SLC49A4: variants seen among roughly 807,000 people sequenced by gnomAD.
The protein encoded by SLC49A4 is disrupted in renal cancer protein 2.
SLC49A4 carries 36 observed loss-of-function variants against 50.6 expected under a neutral mutation model. The observed-to-expected ratio is 0.71, with a 90% confidence interval of 0.55 to 0.94. SLC49A4 has a LOEUF of 0.94. Ranked by LOEUF, SLC49A4 falls within the 40% of genes least tolerant of loss-of-function variation. The pLI is 0.00. For synonymous variants in SLC49A4, 248 were observed against 241.2 expected (o/e 1.03, Z -0.26); for missense variants, 503 against 605.7 (o/e 0.83, Z 1.78).
intron 2 of SLC49A4, among the ~76,000 whole-genome samples, chr3:122,817,410 C>G (rs1936385649): frequency 6.6e-6 from 1 of 152,052 alleles, no homozygotes; most frequent in African/African-American, 2.4e-5. Flanking sequence ...TGATTTTAGC[C>G]CTAGAGTCCC....
chr3:122,841,910 G>A (rs1936776085), intron 4 of SLC49A4, among the ~76,000 whole-genome samples: 1 of 151,184 alleles, frequency 6.6e-6, no homozygotes, highest in African/African-American at 2.4e-5. Context: ...CTTCTCTATA[G>A]CACGTCGTAC....
At chr3:122,868,888 G>A (rs985832578) in intron 7 of SLC49A4, among the ~76,000 whole-genome samples, 49 of 152,082 alleles carry the variant, frequency 3.2e-4, no homozygotes, top group Admixed American at 2.6e-3. Context: ...TATATCATCC[G>A]TTTATCCTAC....
At chr3:122,870,816 C>CAATAATAATAAT (rs199524636) in intron 7 of SLC49A4, among the ~76,000 whole-genome samples, 2 of 147,392 alleles carry the variant, frequency 1.4e-5, no homozygotes, top group African/African-American at 5.0e-5. Flanking sequence ...TCCATCTCAA[C>CAATAATAATAAT]AATAATAATA....
intron 5 of SLC49A4, among the ~76,000 whole-genome samples, chr3:122,850,700 GTC>G: frequency 6.6e-6 from 1 of 152,192 alleles, no homozygotes; most frequent in South Asian, 2.1e-4. Flanking sequence ...TAGAGATGAA[GTC>G]TCTATGTTTC....
intron 7 of SLC49A4, among the ~76,000 whole-genome samples, chr3:122,871,703 A>T (rs188024215): frequency 1.3e-5 from 2 of 152,288 alleles, no homozygotes; most frequent in Non-Finnish European, 2.9e-5. Flanking sequence ...AGTAGTAGCA[A>T]TGATTAAAAT....
intron 5 of SLC49A4, among the ~76,000 whole-genome samples, chr3:122,855,847 A>G (rs963956078): frequency 1.3e-5 from 2 of 152,194 alleles, no homozygotes; most frequent in South Asian, 4.1e-4. Flanking sequence ...AACAAGCTAT[A>G]CTTTTGAAAC....
chr3:122,853,659 C>T (rs1936951771), intron 5 of SLC49A4, among the ~76,000 whole-genome samples: 1 of 152,126 alleles, frequency 6.6e-6, no homozygotes, highest in South Asian at 2.1e-4. Flanking sequence ...ACTTGGGAGT[C>T]TGAGATGAGA....
chr3:122,879,182 A>G (rs1456766938), intron 8 of SLC49A4, 81 bp from the exon 9 acceptor site: 4 of 995,674 alleles, frequency 4.0e-6, no homozygotes, highest in Non-Finnish European at 6.3e-6. Context: ...TTTAATGCAG[A>G]GCAGATTCCT....
At chr3:122,800,504 G>GT (rs1253824808) in intron 1 of SLC49A4, among the ~76,000 whole-genome samples, 2 of 152,106 alleles carry the variant, frequency 1.3e-5, no homozygotes, top group African/African-American at 4.8e-5. Flanking sequence ...GTTTTGTTTT[G>GT]TTTTTTCTTT....
chr3:122,846,361 G>C (rs1289962467), intron 5 of SLC49A4, among the ~76,000 whole-genome samples: 2 of 152,020 alleles, frequency 1.3e-5, no homozygotes, highest in East Asian at 3.9e-4. Flanking sequence ...GAGAAATTTT[G>C]AGAGGTAAAT....
chr3:122,847,192 T>G (rs1404803378), intron 5 of SLC49A4, among the ~76,000 whole-genome samples: 4 of 151,948 alleles, frequency 2.6e-5, no homozygotes, highest in African/African-American at 9.7e-5. Context: ...GGAGAGAGTT[T>G]GGAGATCTAT....
At chr3:122,829,160 T>C (rs1220629312) in intron 3 of SLC49A4, among the ~76,000 whole-genome samples, 1 of 152,112 alleles carries the variant, frequency 6.6e-6, no homozygotes, top group Non-Finnish European at 1.5e-5. Flanking sequence ...CTCAGATGAG[T>C]ATAAACACAA....
intron 4 of SLC49A4, among the ~76,000 whole-genome samples, 156 bp from the exon 5 acceptor site, chr3:122,845,607 G>GTTTTTTTTTTT (rs35604258): frequency 2.1e-5 from 2 of 97,448 alleles, no homozygotes; most frequent in Admixed American, 1.2e-4. Flanking sequence ...TTTCCAGCAC[G>GTTTTTTTTTTT]TTTTTTTTTT....
intron 4 of SLC49A4, among the ~76,000 whole-genome samples, chr3:122,840,243 G>A (rs1260083976): frequency 6.6e-6 from 1 of 152,088 alleles, no homozygotes; most frequent in South Asian, 2.1e-4. Context: ...TGGAGAGGAT[G>A]GTGGAGACTG....
chr3:122,847,134 C>G (rs1936863574), intron 5 of SLC49A4, among the ~76,000 whole-genome samples: 2 of 152,110 alleles, frequency 1.3e-5, no homozygotes, highest in African/African-American at 2.4e-5. Context: ...GTAGAGGAAG[C>G]CTTACTCTAG....
Position 122,795,133 on chromosome 3 carries a change from G to C in SLC49A4, c.-60G>C. On this transcript the variant is annotated 5_prime_UTR_variant, in exon 1 of 9. Transcript: ENST00000261038. ...CTGCTGCTCAGGACTATTCTGCGCT[G>C]GGCTAGTCGGCGGTGACCCGGACTG... 1.5e-6 allele frequency: 2 copies of C among 1,298,182 alleles called. No individual in the cohort carries two copies. The highest frequency in any genetic ancestry group is 1.9e-6 in the Non-Finnish European group (2 of 1,031,448). 80.4% of individuals were successfully genotyped at this position (1,298,182 alleles called of 1,614,324 possible).
chr3:122,807,302 G>A (rs1273717594), intron 2 of SLC49A4, among the ~76,000 whole-genome samples: 3 of 151,928 alleles, frequency 2.0e-5, no homozygotes, highest in Non-Finnish European at 2.9e-5. Context: ...TTTGGCTGTG[G>A]GTATCAAAAA....
chr3:122,826,458 G>A (rs1431295788), intron 2 of SLC49A4, among the ~76,000 whole-genome samples: 1 of 152,112 alleles, frequency 6.6e-6, no homozygotes, highest in Non-Finnish European at 1.5e-5. Flanking sequence ...AGTAAATGGG[G>A]ATCATAATAG....
intron 4 of SLC49A4, among the ~76,000 whole-genome samples, chr3:122,845,075 A>G (rs73193839): frequency 0.013 from 2,046 of 152,156 alleles, 23 homozygotes; most frequent in Non-Finnish European, 0.019. Flanking sequence ...GATAATAAGC[A>G]TAGTATCCAA....
Sources: gnomAD v4.1 joint callset for allele counts (sites outside exome capture counted in the v4.1 genomes callset) on GRCh38, gnomAD v4.1.1 for gene constraint, MANE v1.5 for transcripts, NCBI Gene and HGNC (gene_info 2026-07-23, HGNC 2026-07-21) for gene names.